The following WDR41 variants were observed in gnomAD, a reference collection of about 807,000 sequenced individuals.
WDR41 encodes WD repeat-containing protein 41.
Under a neutral mutation model 69.3 loss-of-function variants are expected in WDR41, and 63 were observed. The ratio of observed to expected loss-of-function variants is 0.91; its 90% CI spans 0.74 to 1.12. The LOEUF is 1.12. Ranked by LOEUF, WDR41 falls within the 50% of genes most tolerant of loss-of-function variation. WDR41 has a pLI of 0.00. For synonymous variants in WDR41, 185 were observed against 192.1 expected (o/e 0.96, Z 0.31); for missense variants, 543 against 534.5 (o/e 1.02, Z -0.16).
At chr5:77,476,122 A>G (rs976971296) in intron 2 of WDR41, among the ~76,000 whole-genome samples, 5 of 109,650 alleles carry the variant, frequency 4.6e-5, no homozygotes, top group African/African-American at 2.1e-4. Context: ...AGTTTAGAGA[A>G]AAAAAGAATA....
chr5:77,597,954 G>A (rs1248880888), intron 1 of WDR41, among the ~76,000 whole-genome samples: 1 of 152,152 alleles, frequency 6.6e-6, no homozygotes, highest in Non-Finnish European at 1.5e-5. Context: ...AAAGACTTTA[G>A]TTAGAATCCT....
chr5:77,573,153 C>T (rs1743762406), intron 1 of WDR41, among the ~76,000 whole-genome samples: 1 of 152,154 alleles, frequency 6.6e-6, no homozygotes, highest in South Asian at 2.1e-4. Flanking sequence ...GCCCAGCTAC[C>T]TGCAAGGCTT....
intron 1 of WDR41, among the ~76,000 whole-genome samples, chr5:77,614,589 T>C (rs1234950686): frequency 3.0e-3 from 411 of 135,004 alleles, no homozygotes; most frequent in African/African-American, 0.011. Context: ...AGGTGGGAAT[T>C]GAACAATGAG....
chr5:77,464,824 A>T lies in WDR41; in HGVS notation c.168-15T>A. On this transcript the variant is annotated splice_polypyrimidine_tract_variant and intron_variant, in intron 2 of 12. Transcript: ENST00000296679. ...CAGATGCAAATCTGGTTAGGGAGAA[A>T]GGGTCAAGAAAAAAAAATCACTGGT... is the stretch of plus-strand genomic sequence containing the variant. The T allele has an allele frequency of 6.3e-7, 1 of 1,581,398 alleles. No homozygotes were observed. The highest frequency in any genetic ancestry group is 8.6e-7 in the Non-Finnish European group (1 of 1,167,108).
chr5:77,502,102 C>A (rs1802025028), intron 1 of WDR41, among the ~76,000 whole-genome samples: 1 of 152,014 alleles, frequency 6.6e-6, no homozygotes, highest in Admixed American at 6.5e-5. Flanking sequence ...AAACCCACCA[C>A]AAGGAAGCTA....
intron 2 of WDR41, among the ~76,000 whole-genome samples, chr5:77,487,409 G>A (rs1051375063): frequency 6.6e-6 from 1 of 152,160 alleles, no homozygotes; most frequent in Non-Finnish European, 1.5e-5. Flanking sequence ...TCAGGACATA[G>A]CAACAAGTAA....
intron 2 of WDR41, among the ~76,000 whole-genome samples, chr5:77,483,900 A>C (rs1191151996): frequency 6.6e-6 from 1 of 152,218 alleles, no homozygotes; most frequent in Non-Finnish European, 1.5e-5. Flanking sequence ...CATATGTGAT[A>C]TGTTGCAATT....
chr5:77,461,309 A>ATATG (rs1044793474), intron 4 of WDR41, among the ~76,000 whole-genome samples: 2 of 152,148 alleles, frequency 1.3e-5, no homozygotes, highest in African/African-American at 4.8e-5. Context: ...GTGTATGTAT[A>ATATG]TATGTATGTA....
intron 8 of WDR41, among the ~76,000 whole-genome samples, chr5:77,441,665 G>A (rs1204245077): frequency 6.6e-6 from 1 of 152,084 alleles, no homozygotes. Flanking sequence ...TTGAACCTGG[G>A]ACGCAGAGGT....
chr5:77,570,526 A>C (rs1743715844), intron 1 of WDR41, among the ~76,000 whole-genome samples: 1 of 147,088 alleles, frequency 6.8e-6, no homozygotes, highest in African/African-American at 2.5e-5. Context: ...CCTACATCAC[A>C]GATGTTGCTA....
intron 1 of WDR41, among the ~76,000 whole-genome samples, chr5:77,613,138 TAA>T (rs1744598407): frequency 6.6e-6 from 1 of 151,576 alleles, no homozygotes; most frequent in Admixed American, 6.6e-5. Context: ...CTCAATGAAA[TAA>T]AAGAGGATAC....
rs560100930 is a variant in WDR41, at chr5:77,595,573, C to A, written c.42+24906G>T. Among the ~76,000 whole-genome samples the A allele has an allele frequency of 8.6e-5, 13 of 151,092 alleles. No individual in the cohort carries two copies. In the East Asian group the frequency reaches 2.6e-3, roughly 30 times the overall value. On this transcript the variant is annotated intron_variant, in intron 1 of 5. Coordinates refer to the WDR41 transcript ENST00000509971. Reference sequence around the variant, plus strand: ...AATCAGCTTGAGATAAACATTTTGTCCCGCATTTCCACTATTGTAAGTGGT... The same window carrying A: ...AATCAGCTTGAGATAAACATTTTGTACCGCATTTCCACTATTGTAAGTGGT...
At chr5:77,548,680 G>A (rs1327376114) in intron 1 of WDR41, among the ~76,000 whole-genome samples, 2 of 152,280 alleles carry the variant, frequency 1.3e-5, no homozygotes, top group East Asian at 3.9e-4. Flanking sequence ...GCTGCTGGTG[G>A]GAATGTAAAC....
chr5:77,437,497 A>G (rs573919352), intron 10 of WDR41, 73 bp from the exon 11 acceptor site: 10 of 1,288,932 alleles, frequency 7.8e-6, no homozygotes, highest in South Asian at 1.2e-5. Flanking sequence ...GCAGTGAAAG[A>G]AATCAGTGGA....
At chr5:77,496,273 T>C (rs1801932544), upstream of WDR41, among the ~76,000 whole-genome samples, 1 of 151,980 alleles carries the variant, frequency 6.6e-6, no homozygotes, top group Non-Finnish European at 1.5e-5. Context: ...CCAGAGCTAG[T>C]AGACAAAAAG....
chr5:77,605,705 C>A (rs1358751178), intron 1 of WDR41, among the ~76,000 whole-genome samples: 1 of 152,156 alleles, frequency 6.6e-6, no homozygotes, highest in Non-Finnish European at 1.5e-5. Flanking sequence ...GTTAAGGCTG[C>A]CTAGTCTCTA....
Position 77,537,558 on chromosome 5 carries a change from C to G in WDR41, c.43-47986G>C, listed in dbSNP as rs115582758. ...GCTTCCTAGTTGTTCAGTACCTGGC[C>G]CTGGGGTCATTTAGGGCAGAAGAAA... On this transcript the variant is annotated intron_variant, in intron 1 of 5. Coordinates refer to the WDR41 transcript ENST00000509971. Among the ~76,000 whole-genome samples the G allele has an allele frequency of 7.0e-3, 1,060 of 152,146 alleles. 7 individuals are homozygous for G. Among genetic ancestry groups the G allele is most frequent in the African/African-American group, 0.024 (1,006 of 41,492 alleles).
At chr5:77,462,632 A>C (rs1800122811) in intron 4 of WDR41, among the ~76,000 whole-genome samples, 1 of 152,156 alleles carries the variant, frequency 6.6e-6, no homozygotes, top group Non-Finnish European at 1.5e-5. Flanking sequence ...ACACTGAACA[A>C]ACAGTAATTC....
intron 1 of WDR41, among the ~76,000 whole-genome samples, chr5:77,565,327 A>C (rs1743602668): frequency 6.6e-6 from 1 of 152,178 alleles, no homozygotes; most frequent in East Asian, 1.9e-4. Flanking sequence ...CAGGCACGTT[A>C]AGCTGAATGC....
Sources: allele counts gnomAD v4.1 joint callset (sites outside exome capture counted in the v4.1 genomes callset), GRCh38; gene constraint gnomAD v4.1.1; transcripts MANE v1.5; gene names NCBI Gene and HGNC (gene_info 2026-07-23, HGNC 2026-07-21).